The following SETD9 variants were observed in gnomAD, a reference collection of about 807,000 sequenced individuals.
SETD9 encodes the protein SET domain containing 9, also known as SET domain-containing protein 9.
A neutral mutation model predicts 36.4 loss-of-function variants in SETD9; 37 were observed. The ratio of observed to expected loss-of-function variants is 1.02; its 90% CI spans 0.78 to 1.34. SETD9 has a LOEUF of 1.34. SETD9 is among the 40% of genes most tolerant of loss of function. The pLI is 0.00. For synonymous variants in SETD9, 128 were observed against 132.9 expected, an observed-to-expected ratio of 0.96 and a Z score of 0.26; for missense variants, 323 against 353.2, an observed-to-expected ratio of 0.91 and a Z score of 0.69.
chr5:56,913,206 A>G, intron 3 of SETD9, 72 bp downstream of exon 3: 1 of 1,510,040 alleles, frequency 6.6e-7, no homozygotes. Context: ...TATGACTAAT[A>G]GCATTTGTAC....
rs1289143302 is a variant in SETD9 at position 56,917,150 on chromosome 5, G to C, written c.*248G>C. 1.7e-6 allele frequency: 2 copies of C among 1,158,548 alleles called. No homozygotes were observed. The highest frequency in any genetic ancestry group is 1.1e-4 in the East Asian group (2 of 17,582). 71.8% of individuals were successfully genotyped at this position (1,158,548 alleles called of 1,614,324 possible). A position where few individuals can be genotyped will look rare whatever the true frequency, so the allele number is the denominator to read the frequency against. On this transcript the variant is annotated 3_prime_UTR_variant, in exon 6 of 6. Transcript: ENST00000285947. ...TTGGTTTTCACCTAAATACACAATA[G>C]CTTATTAAATTAAAACCTACTCTTT... is the stretch of plus-strand genomic sequence containing the variant.
chr5:56,924,885 T>C (rs1022092523), intron 5 of SETD9, among the ~76,000 whole-genome samples: 1 of 152,234 alleles, frequency 6.6e-6, no homozygotes, highest in African/African-American at 2.4e-5. Context: ...AGATTACTAA[T>C]ATGGGAATAA....
chr5:56,910,803 G>A (rs1238990256), intron 1 of SETD9: 1 of 183,800 alleles, frequency 5.4e-6, no homozygotes, highest in African/African-American at 2.4e-5. Context: ...TGGCTGTTGG[G>A]TGTAGTACGG....
At chr5:56,911,040 A>G in intron 1 of SETD9, 129 bp from the exon 2 acceptor site, 1 of 1,060,204 alleles carries the variant, frequency 9.4e-7, no homozygotes, top group Non-Finnish European at 1.3e-6. Context: ...TTCTGAACTT[A>G]GTTTCCAGCC....
At chr5:56,918,675 T>A (rs1333859427), downstream of SETD9, among the ~76,000 whole-genome samples, 1 of 152,124 alleles carries the variant, frequency 6.6e-6, no homozygotes, top group East Asian at 1.9e-4. Context: ...TGTGCTAAGG[T>A]CCTTTCGTGT....
At chr5:56,928,365 G>A (rs13436820), downstream of SETD9, 1,794 of 153,452 alleles carry the variant, frequency 0.012, 16 homozygotes, top group Non-Finnish European at 0.019. Flanking sequence ...CCAGCATTTG[G>A]TGGTGTTAGA....
At chr5:56,924,069 A>G in intron 5 of SETD9, 2 of 1,591,022 alleles carry the variant, frequency 1.3e-6, no homozygotes, top group South Asian at 2.3e-5. Context: ...ATTTTTAAAA[A>G]ACCAACAAAC....
At chr5:56,925,215 G>C (rs1579833476) in intron 5 of SETD9, 1 of 335,852 alleles carries the variant, frequency 3.0e-6, no homozygotes, top group East Asian at 8.8e-5. Flanking sequence ...CAAACATACA[G>C]AAAGTGTGAA....
chr5:56,928,681 C>CT, downstream of SETD9: 3 of 945,906 alleles, frequency 3.2e-6, no homozygotes, highest in African/African-American at 1.7e-5. Context: ...GTAAGTTGTT[C>CT]TTTTTTCCTA....
intron 3 of SETD9, among the ~76,000 whole-genome samples, chr5:56,913,410 G>C (rs1374542339): frequency 3.4e-5 from 5 of 148,694 alleles, no homozygotes; most frequent in Non-Finnish European, 7.4e-5. Context: ...TTGAGACAGA[G>C]TCTTGCTCTG....
chr5:56,914,596 A>G (rs1352969871), intron 4 of SETD9, among the ~76,000 whole-genome samples: 2 of 152,168 alleles, frequency 1.3e-5, no homozygotes, highest in Admixed American at 1.3e-4. Context: ...ATATGTTATT[A>G]TATATGTTGT....
At chr5:56,925,340 G>C in exon 6 of SETD9, 1 of 454,880 alleles carries the variant, frequency 2.2e-6, no homozygotes, top group South Asian at 1.6e-5. Flanking sequence ...CAGGTGACAT[G>C]ACTGTCTACG....
At chr5:56,917,579 G>C (rs1466008), downstream of SETD9, among the ~76,000 whole-genome samples, 79,851 of 151,932 alleles carry the variant, frequency 0.53, 22,595 homozygotes, top group Non-Finnish European at 0.64. Flanking sequence ...CCACTGGAGG[G>C]AGATTGACTC....
downstream of SETD9, among the ~76,000 whole-genome samples, chr5:56,927,409 A>G (rs929706778): frequency 2.0e-5 from 3 of 152,188 alleles, no homozygotes; most frequent in East Asian, 1.9e-4. Context: ...TCTAAAAACT[A>G]AAGTCCATTA....
downstream of SETD9, among the ~76,000 whole-genome samples, chr5:56,918,494 G>GT: frequency 6.6e-6 from 1 of 152,314 alleles, no homozygotes; most frequent in Non-Finnish European, 1.5e-5. Flanking sequence ...ATGACTTCTA[G>GT]TAACAGATGT....
chr5:56,921,177 A>C (rs1250666646), downstream of SETD9: 1 of 152,558 alleles, frequency 6.6e-6, no homozygotes, highest in East Asian at 1.9e-4. Context: ...CTTTGTGTAA[A>C]TTATTTATAC....
chr5:56,916,326 AG>A (rs2112034780), intron 5 of SETD9, among the ~76,000 whole-genome samples: 1 of 152,198 alleles, frequency 6.6e-6, no homozygotes, highest in African/African-American at 2.4e-5. Flanking sequence ...CGGGAGGCAG[AG>A]GTTGCAGTGA....
At chr5:56,924,361 T>G (rs901918694) in intron 5 of SETD9, among the ~76,000 whole-genome samples, 7 of 152,224 alleles carry the variant, frequency 4.6e-5, no homozygotes, top group Non-Finnish European at 1.0e-4. Flanking sequence ...TCTTTACTTT[T>G]CTTTACTGAG....
At chr5:56,928,873 T>C, downstream of SETD9, 1 of 1,607,302 alleles carries the variant, frequency 6.2e-7, no homozygotes, top group Non-Finnish European at 8.5e-7. Context: ...TAAGAAAAAT[T>C]TTAAAATAAA....
Sources: allele counts gnomAD v4.1 joint callset (sites outside exome capture counted in the v4.1 genomes callset), GRCh38; gene constraint gnomAD v4.1.1; transcripts MANE v1.5; gene names NCBI Gene and HGNC (gene_info 2026-07-23, HGNC 2026-07-21).